KIF23: variants seen among roughly 807,000 people sequenced by gnomAD.
The protein encoded by KIF23 is kinesin family member 23, also known as kinesin-like protein KIF23.
Under a neutral mutation model 137.5 loss-of-function variants are expected in KIF23, and 30 were observed. That is an observed-to-expected ratio of 0.22 (90% CI 0.16 to 0.30). The LOEUF (loss-of-function observed/expected upper bound fraction) is 0.30, where lower values mean the gene tolerates loss of function less well. Among genes scored for constraint, KIF23 ranks in the 10% least tolerant of loss-of-function variants. The pLI is 1.00. For missense variants in KIF23, 920 were observed against 1,194.3 expected (o/e 0.77, Z 3.38); for synonymous variants, 367 against 391.1 (o/e 0.94, Z 0.73).
Position 69,435,758 on chromosome 15 carries a change from A to G in KIF23, c.1301A>G (p.Tyr434Cys), listed in dbSNP as rs777976975. ...IVCVNPKAED[Y>C]EENLQVMRFA... ...TGTGTGAACCCCAAGGCTGAAGATT[A>G]TGAAGAAAACTTGGTAATTTTAATG... The change falls in exon 13 of 24, where the codon TAT (tyrosine) becomes TGT (cysteine). Residue 434 changes from tyrosine (Y) to cysteine (C), a missense_variant. Physicochemically the swap from Tyr to Cys is radical, Grantham distance 194 (BLOSUM62 -2). Around this residue, in one of 4 missense-constraint regions of KIF23, gnomAD observed 714 missense variants for 866.2 expected, o/e 0.82. Coordinates refer to ENST00000679126, the MANE Select transcript of KIF23 (RefSeq NM_001367805.3). 28 of 1,613,888 alleles carry G rather than the reference A, an allele frequency of 1.7e-5. No individual in the cohort carries two copies. The highest frequency in any genetic ancestry group is 2.1e-5 in the Non-Finnish European group (25 of 1,180,008).
rs982321747 is a variant in KIF23 at position 69,444,240 on chromosome 15, T to C, written c.2422-550T>C. ...TGTAGCCATTACTGTATTTGAACTT[T>C]TCATGAAGTTCTATTATGAGATTTT... On this transcript the variant is annotated intron_variant, in intron 19 of 23. Coordinates refer to ENST00000679126, the MANE Select transcript of KIF23 (RefSeq NM_001367805.3). The surrounding 1 kb of genome is among the most constrained non-coding windows in gnomAD (Gnocchi z 4.2). 3.3e-5 allele frequency: 5 copies of C among 152,506 alleles called. No individual in the cohort carries two copies. The highest frequency in any genetic ancestry group is 1.2e-4 in the African/African-American group (5 of 41,450). 9.4% of individuals were successfully genotyped at this position (152,506 alleles called of 1,614,324 possible). A position where few individuals can be genotyped will look rare whatever the true frequency, so the allele number is the denominator to read the frequency against.
chr15:69,428,252 TA>T lies in KIF23; in HGVS notation c.1012-847del, dbSNP rs796690297. ...CCTGGCGACAGAGTGAGACTCTGTC[TA>T]AAAAAAAAAAATGGTTATAAGTCAG... On this transcript the variant is annotated intron_variant, in intron 10 of 23. Transcript: ENST00000679126. Among the ~76,000 whole-genome samples the T allele has an allele frequency of 8.8e-3, 1,257 of 142,662 alleles. 17 individuals carry two copies. The highest frequency in any genetic ancestry group is 0.026 in the African/African-American group (1,011 of 39,204). 93.6% of individuals were successfully genotyped at this position (142,662 alleles called of 152,430 possible). A position where few individuals can be genotyped will look rare whatever the true frequency, so the allele number is the denominator to read the frequency against.
intron 11 of KIF23, chr15:69,435,077 C>T (rs750225785): frequency 2.0e-6 from 1 of 497,760 alleles, no homozygotes. Flanking sequence ...ATTCTTCCCC[C>T]ACCCCCAGAA....
chr15:69,425,469 C>A (rs2057166626), intron 8 of KIF23, 146 bp downstream of exon 8: 5 of 677,450 alleles, frequency 7.4e-6, no homozygotes, highest in Non-Finnish European at 1.3e-5. Context: ...CCTGAAAAAT[C>A]TGCTATTGAC....
chr15:69,427,292 C>A, intron 10 of KIF23: 1 of 412,756 alleles, frequency 2.4e-6, no homozygotes. Flanking sequence ...GATCCTACAA[C>A]TAATCCCTCG....
In KIF23 at chr15:69,441,092, A is replaced by G. The variant is rs1182230841; in HGVS notation, c.2421+13A>G. The G allele has an allele frequency of 3.5e-5, 55 of 1,590,822 alleles. No homozygotes were observed. In the Admixed American group the frequency reaches 9.7e-4, roughly 28 times the overall value. On this transcript the variant is annotated intron_variant, in intron 19 of 23. Transcript: ENST00000679126. ...TCATTGCGGCAGGGTTAGTGCCAGTATTATTTTAACGCATTGTAGCAATAG... is the reference window on the plus strand; with the variant it reads ...TCATTGCGGCAGGGTTAGTGCCAGTGTTATTTTAACGCATTGTAGCAATAG...
At chr15:69,434,557 C>T (rs1596006280) in intron 11 of KIF23, 6 of 1,007,760 alleles carry the variant, frequency 6.0e-6, no homozygotes, top group Admixed American at 3.4e-5. Flanking sequence ...GTTCAACTCC[C>T]TTTGTTGTCC....
At chr15:69,427,577 A>G (rs2057232208) in intron 10 of KIF23, 1 of 398,904 alleles carries the variant, frequency 2.5e-6, no homozygotes, top group Non-Finnish European at 4.9e-6. Flanking sequence ...GGAAGTGGCT[A>G]GTGTTATAAG....
In KIF23 at chr15:69,435,636, A is replaced by G; in HGVS notation, c.1195-16A>G. 1.2e-6 allele frequency: 2 copies of G among 1,613,302 alleles called. No individual in the cohort carries two copies. The highest frequency in any genetic ancestry group is 1.7e-6 in the Non-Finnish European group (2 of 1,179,814). ...TTTTTTTTGCGTAACACATTTGGAT[A>G]TGAATGTCTTTGTAGATGGTTCCAT... On this transcript the variant is annotated splice_polypyrimidine_tract_variant and intron_variant, in intron 12 of 23. Coordinates refer to ENST00000679126, the MANE Select transcript of KIF23 (RefSeq NM_001367805.3).
intron 4 of KIF23, 35 bp downstream of exon 4, chr15:69,421,787 C>T: frequency 2.1e-6 from 3 of 1,451,972 alleles, no homozygotes; most frequent in Non-Finnish European, 2.9e-6. Context: ...GTTAGATTTT[C>T]CTTTTTCTCC....
At chr15:69,446,474 A>C in intron 22 of KIF23, 110 bp downstream of exon 22, 14 of 807,936 alleles carry the variant, frequency 1.7e-5, no homozygotes, top group Non-Finnish European at 2.5e-5. Flanking sequence ...GTATAATCTC[A>C]CATTGCCAGT....
rs567301072 is a variant in KIF23 at position 69,422,686 on chromosome 15, C to T, written c.563+251C>T. 1.2e-3 allele frequency among the ~76,000 whole-genome samples: 180 copies of T among 152,132 alleles called. 1 individual carries two copies. The highest frequency in any genetic ancestry group is 4.2e-3 in the African/African-American group (174 of 41,494). On this transcript the variant is annotated intron_variant, in intron 6 of 23. Transcript: ENST00000679126. ...GGTATAAAAGCCATTGTTGTGTGTT[C>T]GGGAGGACGTGGGAATACTGTTGGC... is the stretch of plus-strand genomic sequence containing the variant.
intron 11 of KIF23, 125 bp downstream of exon 11, chr15:69,429,338 T>G (rs1242380857): frequency 6.0e-6 from 4 of 669,990 alleles, no homozygotes; most frequent in Non-Finnish European, 1.0e-5. Flanking sequence ...ACGGTCTTAC[T>G]CTGTTACCCA....
Position 69,422,379 on chromosome 15 carries a change from C to G in KIF23, c.507C>G (p.Ala169=). The G allele has an allele frequency of 6.2e-7, 1 of 1,611,380 alleles. No individual in the cohort carries two copies. Among genetic ancestry groups the G allele is most frequent in the Non-Finnish European group, 8.5e-7 (1 of 1,177,926 alleles). Residue 169 remains alanine, a synonymous_variant, in exon 6 of 24, where the codon GCC becomes GCG. Coordinates refer to ENST00000679126, the MANE Select transcript of KIF23 (RefSeq NM_001367805.3). ...TGGATATACAGTGTGAGGTTGATGC[C>G]TTATTAGAACGTCAGAAAAGAGAAG... ...NSMDIQCEVD[A]LLERQKREAM... is the part of the protein sequence containing the mutation.
intron 3 of KIF23, among the ~76,000 whole-genome samples, chr15:69,417,940 A>G (rs967672869): frequency 6.6e-6 from 1 of 152,232 alleles, no homozygotes; most frequent in Non-Finnish European, 1.5e-5. Flanking sequence ...AATATTGTTT[A>G]GCAAATGTGC....
At position 69,436,536 on chromosome 15, in the gene KIF23, T is replaced by G. The variant is rs186088799; in HGVS notation, c.1439-28T>G. 3.8e-5 allele frequency: 60 copies of G among 1,574,094 alleles called. No homozygotes were observed. In the Admixed American group the frequency reaches 9.5e-4, roughly 25 times the overall value. ...TAAGCTCTTTCTCTCCTATGTAACT[T>G]TTTGTAATTTTCTATAATTCAATAC... On this transcript the variant is annotated intron_variant, in intron 14 of 23. Transcript: ENST00000679126.
chr15:69,420,049 G>T lies in KIF23; in HGVS notation c.211-1598G>T, dbSNP rs1384618197. Among the ~76,000 whole-genome samples, 3 of 152,120 alleles carry T rather than the reference G, an allele frequency of 2.0e-5. No homozygotes were observed. In the East Asian group the frequency reaches 5.8e-4, roughly 29 times the overall value. On this transcript the variant is annotated intron_variant, in intron 3 of 23. Transcript: ENST00000679126. ...GGAGGCCGAGGCAGAGGGATTACTT[G>T]AGATCAGGAGTTCGAGACTAGCTTG...
rs200472874 is a variant in KIF23, at chr15:69,444,882, C to T, written c.2514C>T (p.Pro838=). 1,112 of 1,614,122 alleles carry T rather than the reference C, an allele frequency of 6.9e-4. 6 individuals carry two copies. The highest frequency in any genetic ancestry group is 1.8e-4 in the Non-Finnish European group (208 of 1,180,014). The change falls in exon 20 of 24, where the codon CCC becomes CCT. Residue 838 remains proline (P), a synonymous_variant. Coordinates refer to ENST00000679126, the MANE Select transcript of KIF23 (RefSeq NM_001367805.3). This position sits in a 1 kb window ranked among gnomAD's most constrained non-coding sequence, Gnocchi z 4.2. ...GAGACAGATGGGTAGATCATAAGCC[C>T]GCCTCTAACATGCAAACTGAAACAG... ...SAGDRWVDHK[P]ASNMQTETVM...
intron 11 of KIF23, among the ~76,000 whole-genome samples, chr15:69,433,855 A>G (rs1194914085): frequency 1.3e-5 from 2 of 152,198 alleles, no homozygotes; most frequent in African/African-American, 2.4e-5. Flanking sequence ...CACCCTAAGT[A>G]AACAGGTGAA....
Sources: gnomAD v4.1 joint callset for allele counts (sites outside exome capture counted in the v4.1 genomes callset) on GRCh38, gnomAD v4.1.1 for gene constraint, gnomAD v4.1.1 regional missense constraint, Gnocchi (gnomAD v3.1) non-coding constraint, MANE v1.5 for transcripts, NCBI Gene and HGNC (gene_info 2026-07-23, HGNC 2026-07-21) for gene names.